Variants in DPP6 observed in about 807,000 individuals in gnomAD.
DPP6 encodes A-type potassium channel modulatory protein DPP6.
A neutral mutation model predicts 122.6 loss-of-function variants in DPP6; 69 were observed. That is an observed-to-expected ratio of 0.56 (90% CI 0.46 to 0.69). The LOEUF is 0.69. DPP6 is among the 30% of genes least tolerant of loss of function. DPP6 has a pLI of 0.00. For missense variants in DPP6, 928 were observed against 1,116.9 expected (o/e 0.83, Z 2.41); for synonymous variants, 418 against 433.1 (o/e 0.97, Z 0.43).
intron 6 of DPP6, among the ~76,000 whole-genome samples, chr7:154,663,479 T>G (rs4960701): frequency 0.86 from 28,888 of 33,460 alleles, 13,689 homozygotes; most frequent in East Asian, 1. Context: ...TGGCATATTC[T>G]CCGTAGTGTT....
chr7:154,552,830 T>C (rs1182950236), intron 4 of DPP6, among the ~76,000 whole-genome samples: 6 of 152,330 alleles, frequency 3.9e-5, no homozygotes, highest in Middle Eastern at 3.4e-3. Flanking sequence ...AATCATTGGC[T>C]ACGGATTGCA....
chr7:153,963,510 C>T (rs760289012), intron 1 of DPP6, among the ~76,000 whole-genome samples: 2 of 147,794 alleles, frequency 1.4e-5, no homozygotes, highest in African/African-American at 4.9e-5. Context: ...GTACTCTTTC[C>T]TGTAAAGCAG....
At chr7:154,337,470 TC>T (rs1333677805) in intron 1 of DPP6, among the ~76,000 whole-genome samples, 1 of 152,172 alleles carries the variant, frequency 6.6e-6, no homozygotes, top group East Asian at 1.9e-4. Flanking sequence ...ACGTCTAAAA[TC>T]TCGAGTTATC....
chr7:154,406,493 G>A (rs1468053504), intron 1 of DPP6, among the ~76,000 whole-genome samples: 3 of 150,534 alleles, frequency 2.0e-5, no homozygotes, highest in Non-Finnish European at 4.4e-5. Context: ...ACACACACAT[G>A]CACACATACA....
chr7:154,864,115 C>T (rs1207217586), intron 17 of DPP6, among the ~76,000 whole-genome samples: 1 of 152,196 alleles, frequency 6.6e-6, no homozygotes, highest in African/African-American at 2.4e-5. Flanking sequence ...CAGGGAGATG[C>T]CGGAGAGACT....
chr7:154,690,875 C>T (rs1234973748), intron 7 of DPP6, among the ~76,000 whole-genome samples: 1 of 152,170 alleles, frequency 6.6e-6, no homozygotes, highest in Non-Finnish European at 1.5e-5. Context: ...CTCTCATGTG[C>T]CAAGCAGCCC....
intron 7 of DPP6, among the ~76,000 whole-genome samples, chr7:154,690,543 CCA>C (rs1839874469): frequency 6.6e-6 from 1 of 152,120 alleles, no homozygotes. Context: ...AGCTGTTTCT[CCA>C]CACAGAGTGC....
chr7:154,206,095 A>G lies in DPP6; in HGVS notation c.243+153032A>G, dbSNP rs369877343. Reference sequence around the variant, plus strand: ...GTCTCTAAAGAAGCAGCCAAAGGGCAGGATGTCCCACAACACAAAATAAGA... The same window carrying G: ...GTCTCTAAAGAAGCAGCCAAAGGGCGGGATGTCCCACAACACAAAATAAGA... On this transcript the variant is annotated intron_variant, in intron 1 of 25. Coordinates refer to ENST00000377770, the MANE Select transcript of DPP6 (RefSeq NM_130797.4). Among the ~76,000 whole-genome samples the G allele has an allele frequency of 1.1e-3, 160 of 152,372 alleles. No individual in the cohort carries two copies. The Middle Eastern group carries it at 0.024, about 23-fold the overall frequency.
chr7:154,442,830 C>T (rs1273139765), intron 1 of DPP6, among the ~76,000 whole-genome samples: 1 of 152,146 alleles, frequency 6.6e-6, no homozygotes, highest in Non-Finnish European at 1.5e-5. Context: ...TCCCAGCATA[C>T]CCACCACTGC....
chr7:153,852,990 A>G, the DPP6 span, among the ~76,000 whole-genome samples: 6 of 152,128 alleles, frequency 3.9e-5, no homozygotes, highest in African/African-American at 1.4e-4. Context: ...GCACCCCTCT[A>G]TCTCCTGGTC....
chr7:154,794,693 A>G (rs1484678483), intron 11 of DPP6, among the ~76,000 whole-genome samples: 2 of 151,594 alleles, frequency 1.3e-5, no homozygotes, highest in African/African-American at 4.8e-5. Context: ...GAGAAGGTAA[A>G]CGTAGGGGAA....
At chr7:153,884,070 T>C (rs1325022711), upstream of DPP6, among the ~76,000 whole-genome samples, 1 of 152,250 alleles carries the variant, frequency 6.6e-6, no homozygotes. Context: ...TGCAGGTTTG[T>C]TACATATGTA....
rs531539711 is a variant in DPP6, at chr7:154,851,908, T to A, written c.1667-1872T>A. ...GGACTCCTGGACTTTGTGCATGGGG[T>A]AGAGACTGGATCCAGTCCTTGGGCA... On this transcript the variant is annotated intron_variant, in intron 16 of 25. Transcript: ENST00000377770. Among the ~76,000 whole-genome samples the A allele has an allele frequency of 7.2e-5, 11 of 152,250 alleles. 1 individual carries two copies. The highest frequency in any genetic ancestry group is 2.6e-4 in the African/African-American group (11 of 41,542).
intron 5 of DPP6, among the ~76,000 whole-genome samples, chr7:154,607,269 A>G (rs1281875890): frequency 8.3e-6 from 1 of 119,804 alleles, no homozygotes; most frequent in African/African-American, 2.7e-5. Context: ...ACATTGCAAG[A>G]AAAAGTTGAG....
At chr7:154,764,647 C>G (rs1314317680) in intron 8 of DPP6, among the ~76,000 whole-genome samples, 2 of 152,182 alleles carry the variant, frequency 1.3e-5, no homozygotes, top group Admixed American at 6.5e-5. Flanking sequence ...CTAATTTCCT[C>G]CAATAAGAAA....
the DPP6 span, among the ~76,000 whole-genome samples, chr7:153,818,078 C>A: frequency 4.6e-5 from 7 of 151,678 alleles, no homozygotes; most frequent in Non-Finnish European, 1.0e-4. Flanking sequence ...AAAAGATGAA[C>A]AAACAAGTAG....
At chr7:154,435,577 G>A (rs1818794016) in intron 1 of DPP6, among the ~76,000 whole-genome samples, 1 of 152,186 alleles carries the variant, frequency 6.6e-6, no homozygotes, top group Non-Finnish European at 1.5e-5. Context: ...AACAGAGACG[G>A]GGATGTGCAC....
intron 6 of DPP6, among the ~76,000 whole-genome samples, chr7:154,658,727 G>T (rs953562043): frequency 1.3e-5 from 2 of 152,218 alleles, no homozygotes; most frequent in Non-Finnish European, 2.9e-5. Context: ...GAGTAAGGGG[G>T]CAGTAGGTAC....
chr7:154,817,606 T>G (rs1291962626), intron 16 of DPP6, among the ~76,000 whole-genome samples: 3 of 152,128 alleles, frequency 2.0e-5, no homozygotes, highest in Non-Finnish European at 4.4e-5. Context: ...AGTGATCGAT[T>G]GATGATGTCA....
Sources: allele counts gnomAD v4.1 joint callset (sites outside exome capture counted in the v4.1 genomes callset), GRCh38; gene constraint gnomAD v4.1.1; transcripts MANE v1.5; gene names NCBI Gene and HGNC (gene_info 2026-07-23, HGNC 2026-07-21).